The following ILRUN variants were observed in gnomAD, a reference collection of about 807,000 sequenced individuals.
The protein encoded by ILRUN is protein ILRUN.
ILRUN carries 3 observed loss-of-function variants against 33.8 expected under a neutral mutation model. The observed-to-expected ratio is 0.09, with a 90% CI of 0.04 to 0.23. The LOEUF (loss-of-function observed/expected upper bound fraction) is 0.23. Ranked by LOEUF, ILRUN falls within the 10% of genes least tolerant of loss-of-function variation. The probability of loss-of-function intolerance (pLI) is 1.00; values close to 1 mark genes in which losing one functional copy is unlikely to be tolerated. For synonymous variants in ILRUN, 124 were observed against 138.9 expected, an observed-to-expected ratio of 0.89 and a Z score of 0.75; for missense variants, 210 against 375.1, an observed-to-expected ratio of 0.56 and a Z score of 3.64.
At chr6:34,644,748 G>A (rs185557438) in intron 3 of ILRUN, among the ~76,000 whole-genome samples, 2 of 152,226 alleles carry the variant, frequency 1.3e-5, no homozygotes, top group African/African-American at 4.8e-5. Flanking sequence ...TTTTCTTAGG[G>A]TAGTGGGGAG....
chr6:34,614,496 T>TA (rs1761836719), intron 3 of ILRUN, among the ~76,000 whole-genome samples: 1 of 137,992 alleles, frequency 7.2e-6, no homozygotes, highest in African/African-American at 2.8e-5. Flanking sequence ...ATTATATATA[T>TA]TATATTTTAT....
chr6:34,687,697 C>T (rs1252568374), intron 1 of ILRUN, among the ~76,000 whole-genome samples: 4 of 90,462 alleles, frequency 4.4e-5, no homozygotes, highest in African/African-American at 2.7e-4. Flanking sequence ...GACTCCATCT[C>T]CAAAAAAAAA....
At chr6:34,634,938 G>T (rs898916238) in intron 3 of ILRUN, among the ~76,000 whole-genome samples, 7 of 152,130 alleles carry the variant, frequency 4.6e-5, no homozygotes, top group Non-Finnish European at 7.3e-5. Flanking sequence ...AAAAGAGCTG[G>T]TGGCCACCAG....
At chr6:34,669,533 CACA>C (rs1361884418) in intron 1 of ILRUN, among the ~76,000 whole-genome samples, 2 of 152,158 alleles carry the variant, frequency 1.3e-5, no homozygotes, top group Non-Finnish European at 2.9e-5. Flanking sequence ...TCCAGAACCA[CACA>C]ACTTGTACAT....
chr6:34,610,873 T>A (rs1404401307), intron 3 of ILRUN, among the ~76,000 whole-genome samples: 1 of 152,144 alleles, frequency 6.6e-6, no homozygotes, highest in African/African-American at 2.4e-5. Context: ...TATCCATAAA[T>A]AAGACTAATA....
intron 4 of ILRUN, among the ~76,000 whole-genome samples, chr6:34,596,559 C>T (rs1761404164): frequency 6.6e-6 from 1 of 152,134 alleles, no homozygotes; most frequent in South Asian, 2.1e-4. Flanking sequence ...GTGATCCACC[C>T]ACCTCAGCCT....
chr6:34,602,102 C>A (rs1333492347), intron 4 of ILRUN, among the ~76,000 whole-genome samples: 1 of 152,062 alleles, frequency 6.6e-6, no homozygotes, highest in Admixed American at 6.6e-5. Context: ...ATGGCATATA[C>A]CAGCCTCGAA....
chr6:34,689,315 C>A (rs1283942633), intron 1 of ILRUN, among the ~76,000 whole-genome samples: 1 of 151,936 alleles, frequency 6.6e-6, no homozygotes, highest in Non-Finnish European at 1.5e-5. Context: ...CCATTGCACT[C>A]CAGCCTGGGC....
chr6:34,602,182 T>C (rs541640214), intron 4 of ILRUN, among the ~76,000 whole-genome samples: 11 of 152,040 alleles, frequency 7.2e-5, no homozygotes, highest in South Asian at 2.1e-4. Flanking sequence ...ATAAGTGAAT[T>C]TGGGGTCCTC....
intron 2 of ILRUN, among the ~76,000 whole-genome samples, chr6:34,654,007 G>A (rs540261748): frequency 2.7e-5 from 4 of 148,964 alleles, no homozygotes; most frequent in Non-Finnish European, 5.9e-5. Context: ...GATTCTGTGT[G>A]TGAGCTACCA....
At chr6:34,672,514 G>C (rs1480326085) in intron 1 of ILRUN, among the ~76,000 whole-genome samples, 1 of 152,028 alleles carries the variant, frequency 6.6e-6, no homozygotes, top group Non-Finnish European at 1.5e-5. Flanking sequence ...AGGAGTTCAA[G>C]ACCAGTCTGG....
intron 1 of ILRUN, among the ~76,000 whole-genome samples, chr6:34,679,357 C>T (rs2127383066): frequency 6.6e-6 from 1 of 152,102 alleles, no homozygotes. Flanking sequence ...GCATTAAAAG[C>T]CATGTTTATA....
At chr6:34,691,807 G>A (rs1028298124) in intron 1 of ILRUN, among the ~76,000 whole-genome samples, 62 of 151,462 alleles carry the variant, frequency 4.1e-4, no homozygotes, top group African/African-American at 1.3e-3. Flanking sequence ...AAAAAAAAAA[G>A]AAGTATCTAC....
chr6:34,621,190 G>A (rs1332838109), intron 3 of ILRUN, among the ~76,000 whole-genome samples: 1 of 152,098 alleles, frequency 6.6e-6, no homozygotes, highest in African/African-American at 2.4e-5. Context: ...AAAGCAACAA[G>A]AGCATCACCT....
chr6:34,696,611 A>T lies in ILRUN; in HGVS notation c.-8T>A. ...TACGTCCATGCCCTCCATGGCGGGG[A>T]CCGGACACCCGCTTCCCCGCCTCTT... On this transcript the variant is annotated 5_prime_UTR_variant, in exon 1 of 5. Transcript: ENST00000374023. 2 of 1,590,178 alleles carry T rather than the reference A, an allele frequency of 1.3e-6. No individual in the cohort carries two copies. The highest frequency in any genetic ancestry group is 8.5e-7 in the Non-Finnish European group (1 of 1,171,520).
At position 34,606,736 on chromosome 6, in the gene ILRUN, A is replaced by G. The variant is rs1761641241; in HGVS notation, c.680T>C (p.Leu227Ser). The G allele has an allele frequency of 6.2e-7, 1 of 1,614,008 alleles. No homozygotes were observed. The highest frequency in any genetic ancestry group is 1.1e-5 in the South Asian group (1 of 91,086). ...GAACTCGGAGCCCCCAGGGTCTTTT[A>G]AGTTGTTTTCATCTGATTGTCGGTT... The part of the protein sequence containing the change: ...QKNRQSDENN[L>S]KDPGGSEFDS... The change falls in exon 4 of 5, where the codon TTA (leucine) becomes TCA (serine). Residue 227 changes from leucine (L) to serine (S), a missense_variant. By Grantham distance (145) the Leu-to-Ser change is moderately radical (BLOSUM62 -2). Transcript: ENST00000374023.
In ILRUN at chr6:34,682,940, G is replaced by C. The variant is rs116572060; in HGVS notation, c.158+13506C>G. Among the ~76,000 whole-genome samples the C allele has an allele frequency of 4.6e-3, 581 of 127,404 alleles. 3 individuals carry two copies. Among genetic ancestry groups the C allele is most frequent in the Non-Finnish European group, 8.0e-3 (497 of 61,992 alleles). The allele number at this position is 127,404 out of a possible 152,430, so 83.6% of individuals were successfully genotyped here. Reference sequence around the variant, plus strand: ...AAGTTAAAAAAAAAATCCAGTCAGAGCAACACAGGGAGACCCCATCTCTAA... The same window carrying C: ...AAGTTAAAAAAAAAATCCAGTCAGACCAACACAGGGAGACCCCATCTCTAA... On this transcript the variant is annotated intron_variant, in intron 1 of 4. Coordinates refer to ENST00000374023, the MANE Select transcript of ILRUN (RefSeq NM_024294.4).
intron 1 of ILRUN, among the ~76,000 whole-genome samples, chr6:34,659,660 T>C (rs2744952): frequency 0.25 from 33,743 of 133,470 alleles, 4,182 homozygotes; most frequent in East Asian, 0.37. Context: ...TCTCACTCTA[T>C]CCCCAGGCTG....
chr6:34,691,659 G>A (rs866737477), intron 1 of ILRUN, among the ~76,000 whole-genome samples: 7 of 152,094 alleles, frequency 4.6e-5, no homozygotes, highest in African/African-American at 1.7e-4. Context: ...AGCCAGGTGT[G>A]GTCGTGGGCG....
Sources: allele counts gnomAD v4.1 joint callset (sites outside exome capture counted in the v4.1 genomes callset), GRCh38; gene constraint gnomAD v4.1.1; transcripts MANE v1.5; gene names NCBI Gene and HGNC (gene_info 2026-07-23, HGNC 2026-07-21).